The following KANSL1L variants were observed in gnomAD, a reference collection of about 807,000 sequenced individuals.
KANSL1L encodes KAT8 regulatory NSL complex subunit 1 like, also known as KAT8 regulatory NSL complex subunit 1-like protein.
A neutral mutation model predicts 108.6 loss-of-function variants in KANSL1L; 25 were observed. The ratio of observed to expected loss-of-function variants is 0.23; its 90% CI spans 0.17 to 0.32. The LOEUF (loss-of-function observed/expected upper bound fraction) is 0.32, where lower values mean the gene tolerates loss of function less well. Ranked by LOEUF, KANSL1L falls within the 10% of genes least tolerant of loss-of-function variation. The pLI is 1.00. For missense variants in KANSL1L, 1,137 were observed against 1,125.7 expected, an observed-to-expected ratio of 1.01 and a Z score of -0.14; for synonymous variants, 405 against 395.1, an observed-to-expected ratio of 1.03 and a Z score of -0.30.
chr2:210,066,737 C>T (rs2094469814), intron 6 of KANSL1L, among the ~76,000 whole-genome samples: 1 of 152,174 alleles, frequency 6.6e-6, no homozygotes, highest in Non-Finnish European at 1.5e-5. Context: ...GTTGTTTTAT[C>T]AGTAGTCCAT....
At chr2:210,104,500 G>C (rs2094827180) in intron 3 of KANSL1L, among the ~76,000 whole-genome samples, 199 bp from the exon 4 acceptor site, 1 of 151,992 alleles carries the variant, frequency 6.6e-6, no homozygotes, top group African/African-American at 2.4e-5. Context: ...TGATAGGTTG[G>C]ACTTGTAAAA....
Position 210,023,010 on chromosome 2 carries a change from T to TCTGA in KANSL1L, c.2899_2902dup (p.Asp968ValfsTer16), listed in dbSNP as rs2093881522. ...AAAGGTTTTGTATTCTTCCATTCCATCTGACTGCTTTTTTGGATGGTGGCC... is the reference window on the plus strand; with the variant it reads ...AAAGGTTTTGTATTCTTCCATTCCATCTGACTGACTGCTTTTTTGGATGGTGGCC... On this transcript the variant is annotated frameshift_variant, in exon 15 of 15. Coordinates refer to ENST00000281772, the MANE Select transcript of KANSL1L (RefSeq NM_152519.4). LOFTEE classifies it high-confidence loss of function. The TCTGA allele has an allele frequency of 1.2e-6, 2 of 1,613,890 alleles. No homozygotes were observed. Among genetic ancestry groups the TCTGA allele is most frequent in the Admixed American group, 1.7e-5 (1 of 59,986 alleles).
Position 210,153,477 on chromosome 2 carries a change from T to C in KANSL1L, c.1088+18A>G, listed in dbSNP as rs1182487229. ...ATATATGGAACAGAAAATAGTCTAA[T>C]AATAATTTTGCACTTACACTGCCAC... On this transcript the variant is annotated intron_variant, in intron 2 of 14. Coordinates refer to ENST00000281772, the MANE Select transcript of KANSL1L (RefSeq NM_152519.4). 1 of 1,603,522 alleles carries C rather than the reference T, an allele frequency of 6.2e-7. No homozygotes were observed. The highest frequency in any genetic ancestry group is 1.7e-5 in the Admixed American group (1 of 59,800).
intron 4 of KANSL1L, among the ~76,000 whole-genome samples, chr2:210,100,178 T>C (rs2094780040): frequency 6.6e-6 from 1 of 152,010 alleles, no homozygotes; most frequent in African/African-American, 2.4e-5. Context: ...CGAACCATAC[T>C]GTGAAGTGCA....
intron 5 of KANSL1L, 100 bp from the exon 6 acceptor site, chr2:210,075,856 T>C (rs1195945212): frequency 3.7e-6 from 3 of 818,768 alleles, no homozygotes; most frequent in Admixed American, 3.0e-5. Flanking sequence ...CCTTGATCTA[T>C]TATGACAGAA....
At chr2:210,097,324 A>C in intron 5 of KANSL1L, 1 of 746,514 alleles carries the variant, frequency 1.3e-6, no homozygotes, top group Non-Finnish European at 1.6e-6. Context: ...TAAAATAATA[A>C]ATTATATAAT....
intron 3 of KANSL1L, among the ~76,000 whole-genome samples, chr2:210,110,045 A>T (rs564262195): frequency 2.6e-4 from 39 of 152,202 alleles, no homozygotes; most frequent in Non-Finnish European, 4.4e-4. Flanking sequence ...AAGGCTTCCC[A>T]TCTCTCTGTT....
chr2:210,039,005 G>A (rs536698378), intron 8 of KANSL1L, among the ~76,000 whole-genome samples: 62 of 151,998 alleles, frequency 4.1e-4, no homozygotes, highest in African/African-American at 1.4e-3. Context: ...CAACATGGTA[G>A]GAAATACCAC....
intron 14 of KANSL1L, 83 bp from the exon 15 acceptor site, chr2:210,023,262 T>C (rs930745059): frequency 1.1e-6 from 1 of 909,924 alleles, no homozygotes; most frequent in Non-Finnish European, 1.7e-6. Flanking sequence ...TACATGTCTA[T>C]ATTGTAATAA....
At chr2:210,092,255 T>A (rs987763702) in intron 5 of KANSL1L, among the ~76,000 whole-genome samples, 4 of 152,222 alleles carry the variant, frequency 2.6e-5, no homozygotes, top group African/African-American at 9.6e-5. Flanking sequence ...CTTCTATTTC[T>A]TTCTATAGTG....
intron 3 of KANSL1L, among the ~76,000 whole-genome samples, chr2:210,109,156 A>G (rs2094880612): frequency 6.6e-6 from 1 of 152,098 alleles, no homozygotes; most frequent in Non-Finnish European, 1.5e-5. Flanking sequence ...GGCCCTTCAA[A>G]TATCTTAGAA....
intron 6 of KANSL1L, among the ~76,000 whole-genome samples, chr2:210,049,708 A>G (rs2094268094): frequency 6.6e-6 from 1 of 152,238 alleles, no homozygotes; most frequent in Non-Finnish European, 1.5e-5. Flanking sequence ...AAGGAATGCA[A>G]TGTGTGACAG....
rs141757940 is a variant in KANSL1L at position 210,023,456 on chromosome 2, G to A, written c.2734-277C>T. Among the ~76,000 whole-genome samples, 370 of 152,272 alleles carry A rather than the reference G, an allele frequency of 2.4e-3. 1 individual carries two copies. The highest frequency in any genetic ancestry group is 3.6e-3 in the Non-Finnish European group (243 of 68,014). Reference sequence around the variant, plus strand: ...CATTTCCGACCTAAGAGTACTTTGGGAAAGTGTTCTTAGGTTTGATATACT... The same window carrying A: ...CATTTCCGACCTAAGAGTACTTTGGAAAAGTGTTCTTAGGTTTGATATACT... On this transcript the variant is annotated intron_variant, in intron 14 of 14. Coordinates refer to ENST00000281772, the MANE Select transcript of KANSL1L (RefSeq NM_152519.4).
At chr2:210,096,482 G>T (rs1409618345) in intron 5 of KANSL1L, 1 of 984,284 alleles carries the variant, frequency 1.0e-6, no homozygotes, top group Non-Finnish European at 1.2e-6. Context: ...AGAAATACAG[G>T]CAAGTATATT....
chr2:210,107,834 T>A (rs2094865447), intron 3 of KANSL1L, among the ~76,000 whole-genome samples: 1 of 151,960 alleles, frequency 6.6e-6, no homozygotes, highest in Admixed American at 6.6e-5. Context: ...TGCCTGGCCT[T>A]CTCCTCTGAA....
At chr2:210,073,960 C>G (rs1382228242) in intron 6 of KANSL1L, among the ~76,000 whole-genome samples, 1 of 152,144 alleles carries the variant, frequency 6.6e-6, no homozygotes, top group Non-Finnish European at 1.5e-5. Flanking sequence ...AGCCCCTATT[C>G]TCTGAAAACA....
chr2:210,062,314 C>T (rs976065916), intron 6 of KANSL1L, among the ~76,000 whole-genome samples: 15 of 152,172 alleles, frequency 9.9e-5, no homozygotes, highest in African/African-American at 3.4e-4. Context: ...TCACCAGCCA[C>T]GTGGAACCGT....
intron 3 of KANSL1L, among the ~76,000 whole-genome samples, chr2:210,107,548 AG>A (rs1345569051): frequency 5.5e-5 from 8 of 145,510 alleles, no homozygotes; most frequent in African/African-American, 1.5e-4. Context: ...TTTTTTTTTG[AG>A]ACAGAGTCTT....
chr2:210,128,941 C>T, intron 3 of KANSL1L, 90 bp downstream of exon 3: 1 of 1,081,554 alleles, frequency 9.2e-7, no homozygotes, highest in Non-Finnish European at 1.3e-6. Flanking sequence ...TTTTATAAAA[C>T]CTTGTAACAA....
Sources: allele counts gnomAD v4.1 joint callset (sites outside exome capture counted in the v4.1 genomes callset), GRCh38; gene constraint gnomAD v4.1.1; transcripts MANE v1.5; gene names NCBI Gene and HGNC (gene_info 2026-07-23, HGNC 2026-07-21).